Variants in DLEU7 observed in about 807,000 individuals in gnomAD.
DLEU7 encodes the protein deleted in lymphocytic leukemia 7.
A neutral mutation model predicts 16.0 loss-of-function variants in DLEU7; 17 were observed. The observed-to-expected ratio is 1.06, with a 90% CI of 0.73 to 1.59. DLEU7 has a LOEUF of 1.59. Ranked by LOEUF, DLEU7 falls within the 40% of genes most tolerant of loss-of-function variation. The pLI is 0.00. For missense variants in DLEU7, 308 were observed against 314.9 expected (o/e 0.98, Z 0.17); for synonymous variants, 113 against 139.8 (o/e 0.81, Z 1.35).
At chr13:50,829,825 A>C (rs1427960274) in intron 1 of DLEU7, among the ~76,000 whole-genome samples, 1 of 152,198 alleles carries the variant, frequency 6.6e-6, no homozygotes, top group Non-Finnish European at 1.5e-5. Context: ...CTGAAGGCCA[A>C]CTCTGGATCC....
intron 1 of DLEU7, among the ~76,000 whole-genome samples, chr13:50,755,559 T>C (rs1157202208): frequency 6.7e-6 from 1 of 148,810 alleles, no homozygotes; most frequent in Non-Finnish European, 1.5e-5. Flanking sequence ...CTTTTTTTTA[T>C]GCTATCTATT....
At position 50,823,493 on chromosome 13, in the gene DLEU7, T is replaced by G; in HGVS notation, c.487A>C (p.Ser163Arg). The G allele has an allele frequency of 6.5e-7, 1 of 1,535,870 alleles. No individual in the cohort carries two copies. Among genetic ancestry groups the G allele is most frequent in the Non-Finnish European group, 8.7e-7 (1 of 1,146,700 alleles). The change falls in exon 2 of 2, where the codon AGT becomes CGT. Residue 163 changes from serine to arginine, a missense_variant. By Grantham distance (110) the Ser-to-Arg change is moderately radical (BLOSUM62 -1). Transcript: ENST00000504404. ...CCTTCAATCTGTAGAGCCAAATGAC[T>G]GCAGATGTTTCTAAACTCAACACTA... is the stretch of plus-strand genomic sequence containing the variant. ...KDSVEFRNIC[S>R]HLALQIEGQQ...
At chr13:50,832,247 T>G (rs1877296054) in intron 1 of DLEU7, among the ~76,000 whole-genome samples, 1 of 152,208 alleles carries the variant, frequency 6.6e-6, no homozygotes, top group Non-Finnish European at 1.5e-5. Flanking sequence ...ATCAATTTTC[T>G]TCTAGAATTT....
Position 50,721,614 on chromosome 13 carries a change from CAGA to C in DLEU7, c.460-8377_460-8375del, listed in dbSNP as rs552008887. On this transcript the variant is annotated intron_variant, in intron 1 of 1. Coordinates refer to the DLEU7 transcript ENST00000400393. The stretch of plus-strand genomic sequence containing the variant: ...AATAAAAATAATACAAAATTATAAA[CAGA>C]AGAAGAGACAATGGACAAAGGAAAT... 4.3e-4 allele frequency among the ~76,000 whole-genome samples: 65 copies of C among 151,956 alleles called. 3 individuals are homozygous for C. The South Asian group carries it at 0.01, about 24-fold the overall frequency.
At chr13:50,727,330 TTTC>T (rs1338154289) in intron 1 of DLEU7, among the ~76,000 whole-genome samples, 1 of 152,098 alleles carries the variant, frequency 6.6e-6, no homozygotes, top group Non-Finnish European at 1.5e-5. Flanking sequence ...GGTATTTTTT[TTTC>T]TCTGTTTTTA....
intron 1 of DLEU7, among the ~76,000 whole-genome samples, chr13:50,833,451 G>C (rs1036551254): frequency 6.6e-6 from 1 of 152,128 alleles, no homozygotes; most frequent in Non-Finnish European, 1.5e-5. Context: ...TTGCAACAAA[G>C]AGAATAAAAT....
chr13:50,733,312 A>G (rs547164171), intron 1 of DLEU7, among the ~76,000 whole-genome samples: 1 of 152,304 alleles, frequency 6.6e-6, no homozygotes, highest in South Asian at 2.1e-4. Flanking sequence ...GTTTTAGATT[A>G]TTGCACACAA....
chr13:50,822,116 A>T (rs546613144), downstream of DLEU7, among the ~76,000 whole-genome samples: 1 of 152,238 alleles, frequency 6.6e-6, no homozygotes, highest in East Asian at 1.9e-4. Flanking sequence ...TTTCCCTTAG[A>T]ATTCAGTATC....
At chr13:50,763,296 G>T (rs1335598042) in intron 1 of DLEU7, among the ~76,000 whole-genome samples, 1 of 152,154 alleles carries the variant, frequency 6.6e-6, no homozygotes, top group Non-Finnish European at 1.5e-5. Context: ...GTTAAGCAGA[G>T]AACTATGATC....
At chr13:50,790,744 T>C (rs1875932575) in intron 1 of DLEU7, among the ~76,000 whole-genome samples, 1 of 152,180 alleles carries the variant, frequency 6.6e-6, no homozygotes, top group Non-Finnish European at 1.5e-5. Context: ...TAACTCCATT[T>C]TCCAGGTGAG....
chr13:50,769,471 A>G (rs1875228554), intron 1 of DLEU7, among the ~76,000 whole-genome samples: 1 of 152,138 alleles, frequency 6.6e-6, no homozygotes, highest in Non-Finnish European at 1.5e-5. Flanking sequence ...TGTATAAGGT[A>G]TAAGGAAGGG....
intron 1 of DLEU7, among the ~76,000 whole-genome samples, chr13:50,763,695 T>C (rs1286568057): frequency 6.6e-6 from 1 of 152,204 alleles, no homozygotes; most frequent in African/African-American, 2.4e-5. Flanking sequence ...GACATGTCTT[T>C]TACCAATCCT....
chr13:50,772,779 G>A (rs563431206), intron 1 of DLEU7, among the ~76,000 whole-genome samples: 25 of 152,220 alleles, frequency 1.6e-4, no homozygotes, highest in Middle Eastern at 3.4e-3. Flanking sequence ...TCTTTGTGGC[G>A]TTCTCTGTAT....
At chr13:50,823,723 G>A (rs1384284495) in intron 1 of DLEU7, among the ~76,000 whole-genome samples, 1 of 152,154 alleles carries the variant, frequency 6.6e-6, no homozygotes, top group Non-Finnish European at 1.5e-5. Flanking sequence ...CAATCACAGT[G>A]TGGACTGATC....
Position 50,843,217 on chromosome 13 carries a change from G to C in DLEU7, c.430C>G (p.Gln144Glu). ...VEQTLLGPLQ[Q>E]ERSFPIHLKD... ...AGGTGAATGGGAAAGGACCGCTCCT[G>C]CTGGAGGGGCCCCAGCAGCGTCTGC... The change falls in exon 1 of 2, where the codon CAG becomes GAG. Residue 144 changes from glutamine (Q) to glutamate (E), a missense_variant. By Grantham distance (29) the Gln-to-Glu change is conservative. Coordinates refer to ENST00000504404, the MANE Select transcript of DLEU7 (RefSeq NM_001306135.2). The surrounding 1 kb of genome is among the most constrained non-coding windows in gnomAD (Gnocchi z 5.7). 2.5e-6 allele frequency: 4 copies of C among 1,593,524 alleles called. No individual in the cohort carries two copies. The South Asian group carries it at 4.5e-5, about 18-fold the overall frequency.
At chr13:50,734,905 A>C (rs543613151) in intron 1 of DLEU7, among the ~76,000 whole-genome samples, 11 of 152,234 alleles carry the variant, frequency 7.2e-5, no homozygotes, top group Non-Finnish European at 1.6e-4. Flanking sequence ...ACCCCTATCT[A>C]TAAGAGATAA....
chr13:50,789,317 C>A (rs1373900896), intron 1 of DLEU7, among the ~76,000 whole-genome samples: 1 of 149,632 alleles, frequency 6.7e-6, no homozygotes, highest in Non-Finnish European at 1.5e-5. Context: ...ACCCATGTAA[C>A]CTCTCAGTGC....
chr13:50,832,983 G>A (rs1392926865), intron 1 of DLEU7, among the ~76,000 whole-genome samples: 3 of 152,246 alleles, frequency 2.0e-5, no homozygotes, highest in East Asian at 1.9e-4. Flanking sequence ...AAAGTCCTTC[G>A]ATAAAATTCA....
intron 1 of DLEU7, among the ~76,000 whole-genome samples, chr13:50,808,221 C>A (rs1876450587): frequency 6.6e-6 from 1 of 152,186 alleles, no homozygotes; most frequent in African/African-American, 2.4e-5. Context: ...ATTCTTCTAA[C>A]CTTCCCTGGT....
Sources: allele counts gnomAD v4.1 joint callset (sites outside exome capture counted in the v4.1 genomes callset), GRCh38; gene constraint gnomAD v4.1.1; non-coding constraint Gnocchi (gnomAD v3.1); transcripts MANE v1.5; gene names NCBI Gene and HGNC (gene_info 2026-07-23, HGNC 2026-07-21).